Variants in GBX1 observed in about 807,000 individuals in gnomAD.
The protein encoded by GBX1 is homeobox protein GBX-1.
Under a neutral mutation model 22.9 loss-of-function variants are expected in GBX1, and 9 were observed. The ratio of observed to expected loss-of-function variants is 0.39; its 90% CI spans 0.24 to 0.69. The LOEUF is 0.69. Among genes scored for constraint, GBX1 ranks in the 30% least tolerant of loss-of-function variants. The probability of loss-of-function intolerance (pLI) is 0.43; values close to 1 mark genes in which losing one functional copy is unlikely to be tolerated. For missense variants in GBX1, 494 were observed against 509.2 expected (o/e 0.97, Z 0.29); for synonymous variants, 203 against 227.3 (o/e 0.89, Z 0.96).
intron 1 of GBX1, among the ~76,000 whole-genome samples, chr7:151,157,813 T>A (rs1801152392): frequency 6.6e-6 from 1 of 152,200 alleles, no homozygotes. Flanking sequence ...ATATGCTATC[T>A]CCCTGGAGTC....
intron 1 of GBX1, among the ~76,000 whole-genome samples, chr7:151,157,520 G>C (rs1409308797): frequency 6.6e-6 from 1 of 152,112 alleles, no homozygotes; most frequent in Non-Finnish European, 1.5e-5. Context: ...TCACTATTTA[G>C]CTAGCCAGTG....
rs1295295555 is a variant in GBX1, at chr7:151,167,169, G to A, written c.380C>T (p.Ala127Val). Residue 127 changes from alanine to valine, a missense_variant, in exon 1 of 2, where the codon GCC becomes GTC. Physicochemically the swap from Ala to Val is moderately conservative, Grantham distance 64. Transcript: ENST00000297537. The surrounding 1 kb of genome is among the most constrained non-coding windows in gnomAD (Gnocchi z 5.9). The part of the protein sequence containing the change: ...GPQELAAAAA[A>V]AAATAARNNP... The stretch of plus-strand genomic sequence containing the variant: ...GTTTCGGGCGGCAGTGGCGGCGGCG[G>A]CGGCAGCGGCGGCGGCGAGCTCCTG... 1.3e-6 allele frequency: 2 copies of A among 1,582,024 alleles called. No individual in the cohort carries two copies. Among genetic ancestry groups the A allele is most frequent in the East Asian group, 2.3e-5 (1 of 43,240 alleles).
At chr7:151,158,567 G>A (rs1801160664) in intron 1 of GBX1, among the ~76,000 whole-genome samples, 2 of 151,826 alleles carry the variant, frequency 1.3e-5, no homozygotes, top group Admixed American at 1.3e-4. Context: ...ATGTGAGACA[G>A]GGAAACCGAA....
intron 1 of GBX1, among the ~76,000 whole-genome samples, chr7:151,158,410 G>A (rs1255372317): frequency 6.6e-6 from 1 of 151,856 alleles, no homozygotes; most frequent in Non-Finnish European, 1.5e-5. Context: ...ACATATGAGG[G>A]AACAGAAATT....
At position 151,167,071 on chromosome 7, in the gene GBX1, C is replaced by T. The variant is rs755163018; in HGVS notation, c.478G>A (p.Val160Met). Residue 160 changes from valine (V) to methionine (M), a missense_variant, in exon 1 of 2, where the codon GTG (valine) becomes ATG (methionine). By Grantham distance (21) the Val-to-Met change is conservative. Around this residue, in one of 3 missense-constraint regions of GBX1, gnomAD observed 365 missense variants for 340.4 expected, o/e 1.07. Coordinates refer to ENST00000297537, the MANE Select transcript of GBX1 (RefSeq NM_001098834.3). This position sits in a 1 kb window ranked among gnomAD's most constrained non-coding sequence, Gnocchi z 5.9. ...GGCGGAGGTGGTGGGGGCTCTGCCA[C>T]TTTCTCCCGGGCCGGCAGCAGCTCA... ...ADELLPAREK[V>M]AEPPPPPPPH... 6 of 1,602,716 alleles carry T rather than the reference C, an allele frequency of 3.7e-6. No homozygotes were observed. Among genetic ancestry groups the T allele is most frequent in the Non-Finnish European group, 8.5e-7 (1 of 1,176,330 alleles).
intron 1 of GBX1, among the ~76,000 whole-genome samples, chr7:151,153,834 A>G (rs897795278): frequency 2.6e-5 from 4 of 151,518 alleles, no homozygotes; most frequent in Admixed American, 6.6e-5. Context: ...AAGTGCTGGG[A>G]TTACAGGTGT....
At chr7:151,153,984 T>C (rs1801107471) in intron 1 of GBX1, among the ~76,000 whole-genome samples, 1 of 151,744 alleles carries the variant, frequency 6.6e-6, no homozygotes, top group Non-Finnish European at 1.5e-5. Context: ...ATGCCTGTAA[T>C]CCCAGCACTT....
intron 1 of GBX1, among the ~76,000 whole-genome samples, chr7:151,162,528 C>T (rs1801197127): frequency 6.6e-6 from 1 of 152,160 alleles, no homozygotes; most frequent in Admixed American, 6.5e-5. Flanking sequence ...TTTAAAAAAA[C>T]AATGTTTACT....
intron 1 of GBX1, among the ~76,000 whole-genome samples, chr7:151,154,934 G>T (rs1801117696): frequency 6.6e-6 from 1 of 152,216 alleles, no homozygotes; most frequent in Non-Finnish European, 1.5e-5. Context: ...TGCGCTAGAG[G>T]CACCGAGGAG....
chr7:151,160,902 T>C (rs765158907), intron 1 of GBX1, among the ~76,000 whole-genome samples: 1 of 152,226 alleles, frequency 6.6e-6, no homozygotes, highest in Non-Finnish European at 1.5e-5. Flanking sequence ...TCCTTTTCAC[T>C]GGTTCAGACA....
At chr7:151,151,705 A>T (rs1036561797) in intron 1 of GBX1, among the ~76,000 whole-genome samples, 1 of 152,124 alleles carries the variant, frequency 6.6e-6, no homozygotes, top group Non-Finnish European at 1.5e-5. Context: ...GCTGCCTTTA[A>T]AATACCCCCA....
At chr7:151,156,385 C>CCA (rs1801134262) in intron 1 of GBX1, among the ~76,000 whole-genome samples, 6 of 15,932 alleles carry the variant, frequency 3.8e-4, no homozygotes, top group Admixed American at 1.2e-3. Flanking sequence ...GACCCTGTCT[C>CCA]AAAAAAAAAA....
In GBX1 at chr7:151,167,193, T is replaced by C. The variant is rs1169034592; in HGVS notation, c.356A>G (p.Gln119Arg). 1.3e-6 allele frequency: 2 copies of C among 1,572,140 alleles called. No homozygotes were observed. The highest frequency in any genetic ancestry group is 1.7e-6 in the Non-Finnish European group (2 of 1,161,210). ...AEPPDAFYGP[Q>R]ELAAAAAAAA... The stretch of plus-strand genomic sequence containing the variant: ...GGCGGCAGCGGCGGCGGCGAGCTCC[T>C]GGGGCCCGTAGAAAGCGTCGGGCGG... Residue 119 changes from glutamine to arginine, a missense_variant, in exon 1 of 2, where the codon CAG (glutamine) becomes CGG (arginine). Gln to Arg is a conservative substitution (Grantham distance 43, BLOSUM62 1). Transcript: ENST00000297537. The surrounding 1 kb of genome is among the most constrained non-coding windows in gnomAD (Gnocchi z 5.9).
chr7:151,154,521 A>G lies in GBX1; in HGVS notation c.539-5379T>C, dbSNP rs191711667. On this transcript the variant is annotated intron_variant, in intron 1 of 1. Coordinates refer to ENST00000297537, the MANE Select transcript of GBX1 (RefSeq NM_001098834.3). ...ATATTGAGTTTCCAGCTTGTTCCCT[A>G]TGGTTGAGTCTAATCTGTGAAAAAC... 1.9e-3 allele frequency among the ~76,000 whole-genome samples: 293 copies of G among 152,298 alleles called. 2 individuals are homozygous for G. The highest frequency in any genetic ancestry group is 6.9e-3 in the African/African-American group (285 of 41,560).
chr7:151,151,888 C>T (rs141290042), intron 1 of GBX1, among the ~76,000 whole-genome samples: 225 of 152,322 alleles, frequency 1.5e-3, no homozygotes, highest in Middle Eastern at 3.4e-3. Context: ...CTAGATCTTG[C>T]ACTAGCTTAT....
intron 1 of GBX1, among the ~76,000 whole-genome samples, chr7:151,155,791 C>T (rs958058169): frequency 6.6e-6 from 1 of 152,068 alleles, no homozygotes; most frequent in African/African-American, 2.4e-5. Context: ...TATCTTCAAG[C>T]AGTTGACTGA....
chr7:151,148,976 C>G lies in GBX1; in HGVS notation c.705G>C (p.Lys235Asn). ...CTCCAGTCCCCAGGCTTCCCTTTAG[C>G]TTCGGTTTAGGTCCCAGAAGAGCCC... ...GPGALLGPKP[K>N]LKGSLGTGAE... Residue 235 changes from lysine (K) to asparagine (N), a missense_variant, in exon 2 of 2, where the codon AAG (lysine) becomes AAC (asparagine). Transcript: ENST00000297537. The surrounding 1 kb of genome is among the most constrained non-coding windows in gnomAD (Gnocchi z 5.1). 1 of 1,614,114 alleles carries G rather than the reference C, an allele frequency of 6.2e-7. No individual in the cohort carries two copies.
chr7:151,152,807 T>C (rs1801095001), intron 1 of GBX1, among the ~76,000 whole-genome samples: 1 of 152,170 alleles, frequency 6.6e-6, no homozygotes, highest in African/African-American at 2.4e-5. Context: ...TTTAAAGCCA[T>C]ACAAGGAGCA....
rs944099857 is a variant in GBX1, at chr7:151,166,484, C to G, written c.538+527G>C. 1.7e-4 allele frequency among the ~76,000 whole-genome samples: 22 copies of G among 125,742 alleles called. 2 individuals carry two copies. Among genetic ancestry groups the G allele is most frequent in the African/African-American group, 6.8e-4 (19 of 28,022 alleles). The allele number at this position is 125,742 out of a possible 152,430, so 82.5% of individuals were successfully genotyped here. On this transcript the variant is annotated intron_variant, in intron 1 of 1. Coordinates refer to ENST00000297537, the MANE Select transcript of GBX1 (RefSeq NM_001098834.3). ...CGGCTTTGAGACGCAACCCCCCCCC[C>G]CCAACACACACACACACACACACTC...
Sources: gnomAD v4.1 joint callset for allele counts (sites outside exome capture counted in the v4.1 genomes callset) on GRCh38, gnomAD v4.1.1 for gene constraint, gnomAD v4.1.1 regional missense constraint, Gnocchi (gnomAD v3.1) non-coding constraint, MANE v1.5 for transcripts, NCBI Gene and HGNC (gene_info 2026-07-23, HGNC 2026-07-21) for gene names.